The following IL23R variants were observed in gnomAD, a reference collection of about 807,000 sequenced individuals.
The protein encoded by IL23R is interleukin 23 receptor, also known as interleukin-23 receptor.
IL23R carries 34 observed loss-of-function variants against 56.9 expected under a neutral mutation model. The ratio of observed to expected loss-of-function variants is 0.60; its 90% CI spans 0.45 to 0.80. IL23R has a LOEUF of 0.80. Ranked by LOEUF, IL23R falls within the 30% of genes least tolerant of loss-of-function variation. The pLI is 0.00. For missense variants in IL23R, 635 were observed against 730.0 expected, an observed-to-expected ratio of 0.87 and a Z score of 1.50; for synonymous variants, 230 against 249.2, an observed-to-expected ratio of 0.92 and a Z score of 0.73.
chr1:67,208,688 G>A (rs1558244518), intron 6 of IL23R, among the ~76,000 whole-genome samples: 1 of 152,216 alleles, frequency 6.6e-6, no homozygotes, highest in East Asian at 1.9e-4. Flanking sequence ...CCAGGTGAAA[G>A]TTTGCTGCAG....
At chr1:67,234,001 A>G (rs1033107508) in intron 7 of IL23R, among the ~76,000 whole-genome samples, 2 of 149,436 alleles carry the variant, frequency 1.3e-5, no homozygotes, top group Non-Finnish European at 3.0e-5. Context: ...ATGCTTTTGT[A>G]TGTTAAAATA....
chr1:67,263,893 A>G (rs1653278418), downstream of IL23R, among the ~76,000 whole-genome samples: 1 of 151,600 alleles, frequency 6.6e-6, no homozygotes, highest in Non-Finnish European at 1.5e-5. Flanking sequence ...CTGTTGTAGA[A>G]TCCTTAAATG....
chr1:67,202,800 CTG>C (rs1648733895), intron 5 of IL23R, among the ~76,000 whole-genome samples: 1 of 152,120 alleles, frequency 6.6e-6, no homozygotes, highest in Non-Finnish European at 1.5e-5. Context: ...GTCTCGAACT[CTG>C]TGGCTCAAGC....
At chr1:67,167,395 A>G (rs1198357235) in intron 1 of IL23R, among the ~76,000 whole-genome samples, 1 of 152,236 alleles carries the variant, frequency 6.6e-6, no homozygotes, top group Non-Finnish European at 1.5e-5. Context: ...TTAGAGTCTC[A>G]CTGGTGAGAG....
chr1:67,241,304 C>G (rs1651837826), intron 9 of IL23R, among the ~76,000 whole-genome samples: 1 of 152,140 alleles, frequency 6.6e-6, no homozygotes, highest in South Asian at 2.1e-4. Context: ...CCTCCTTATG[C>G]TGGAACATCC....
At chr1:67,237,675 G>A (rs1200910936) in intron 8 of IL23R, among the ~76,000 whole-genome samples, 2 of 152,126 alleles carry the variant, frequency 1.3e-5, no homozygotes, top group Admixed American at 6.5e-5. Context: ...TTGCCTAAAC[G>A]TTTTAGGCGT....
intron 3 of IL23R, among the ~76,000 whole-genome samples, chr1:67,174,247 G>A (rs1350885409): frequency 6.6e-6 from 1 of 151,184 alleles, no homozygotes; most frequent in African/African-American, 2.5e-5. Flanking sequence ...CTCCATAAAG[G>A]CTGTACCAAT....
At chr1:67,168,407 C>G (rs563029049) in intron 2 of IL23R, among the ~76,000 whole-genome samples, 1 of 152,302 alleles carries the variant, frequency 6.6e-6, no homozygotes, top group African/African-American at 2.4e-5. Flanking sequence ...CTAGACAGCC[C>G]TCTTACTCAC....
At position 67,258,931 on chromosome 1, in the gene IL23R, A is replaced by T; in HGVS notation, c.1693A>T (p.Asn565Tyr). 1 of 1,614,088 alleles carries T rather than the reference A, an allele frequency of 6.2e-7. No homozygotes were observed. The highest frequency in any genetic ancestry group is 8.5e-7 in the Non-Finnish European group (1 of 1,180,002). ...QGECSSPDIQ[N>Y]SVEEETTMLL... ...AGAATGCAGTTCTCCTGACATACAA[A>T]ACTCAGTAGAGGAGGAAACCACCAT... The change falls in exon 11 of 11, where the codon AAC (asparagine) becomes TAC (tyrosine). Residue 565 changes from asparagine to tyrosine, a missense_variant. Coordinates refer to ENST00000347310, the MANE Select transcript of IL23R (RefSeq NM_144701.3).
chr1:67,250,995 C>T lies in IL23R; in HGVS notation c.1149-4842C>T, dbSNP rs553048334. On this transcript the variant is annotated intron_variant, in intron 9 of 10. Coordinates refer to ENST00000347310, the MANE Select transcript of IL23R (RefSeq NM_144701.3). The stretch of plus-strand genomic sequence containing the variant: ...CAGAGGGTTTTTTCCAAAACAGGAT[C>T]AGTGGCACCTTCTTTATTTTTCCCA... 3.9e-5 allele frequency among the ~76,000 whole-genome samples: 6 copies of T among 152,292 alleles called. No homozygotes were observed. In the South Asian group the frequency reaches 1.2e-3, roughly 32 times the overall value.
chr1:67,206,905 T>TTTTTTTG lies in IL23R; in HGVS notation c.653-5_653-4insTTTTTTG. 6.5e-7 allele frequency: 1 copy of TTTTTTTG among 1,528,992 alleles called. No homozygotes were observed. The highest frequency in any genetic ancestry group is 8.7e-7 in the Non-Finnish European group (1 of 1,143,202). 94.7% of individuals were successfully genotyped at this position (1,528,992 alleles called of 1,614,324 possible). On this transcript the variant is annotated splice_region_variant and splice_polypyrimidine_tract_variant and intron_variant, in intron 5 of 10. Transcript: ENST00000347310. ...AGGTCTTTTTTTTTTTTTTTTTTTT[T>TTTTTTTG]CTAGTGATACCTTCTGCAGCCGTCA...
chr1:67,168,414 T>A (rs1038287087), intron 2 of IL23R, among the ~76,000 whole-genome samples: 9 of 152,212 alleles, frequency 5.9e-5, no homozygotes, highest in Admixed American at 3.9e-4. Context: ...GCCCTCTTAC[T>A]CACATGTGGA....
chr1:67,218,905 G>T (rs1385665357), intron 6 of IL23R, among the ~76,000 whole-genome samples: 2 of 150,094 alleles, frequency 1.3e-5, no homozygotes, highest in Non-Finnish European at 3.0e-5. Context: ...GTCCAGCCTG[G>T]GCAACAGAGT....
intron 1 of IL23R, among the ~76,000 whole-genome samples, chr1:67,147,543 T>C (rs914739224): frequency 6.6e-6 from 1 of 151,932 alleles, no homozygotes; most frequent in African/African-American, 2.4e-5. Context: ...TATCAAAAAC[T>C]ACAAAAATTA....
downstream of IL23R, among the ~76,000 whole-genome samples, chr1:67,260,625 G>T: frequency 6.6e-6 from 1 of 152,244 alleles, no homozygotes; most frequent in South Asian, 2.1e-4. Flanking sequence ...ATGGAAAAGT[G>T]GTTGATCTTT....
intron 1 of IL23R, among the ~76,000 whole-genome samples, chr1:67,142,639 C>T (rs1182613288): frequency 6.6e-6 from 1 of 152,124 alleles, no homozygotes; most frequent in Non-Finnish European, 1.5e-5. Flanking sequence ...GATCTCGGCT[C>T]ACTGCAACCT....
chr1:67,245,860 G>C (rs113909827), intron 9 of IL23R, among the ~76,000 whole-genome samples: 1 of 151,970 alleles, frequency 6.6e-6, no homozygotes, highest in Non-Finnish European at 1.5e-5. Flanking sequence ...TTTTTCTACT[G>C]TTTGGAACAG....
chr1:67,182,976 C>T lies in IL23R; in HGVS notation c.491+17C>T, dbSNP rs75363634. The T allele has an allele frequency of 4.3e-3, 6,987 of 1,613,442 alleles. 147 individuals carry two copies. The highest frequency in any genetic ancestry group is 0.043 in the Admixed American group (2,586 of 60,000). ...TGTGAAGAGGTAGGTCACTTCCTCA[C>T]GGCTTCATATAAGCAGTTCCACCCC... On this transcript the variant is annotated intron_variant, in intron 4 of 10. Coordinates refer to ENST00000347310, the MANE Select transcript of IL23R (RefSeq NM_144701.3).
chr1:67,182,102 C>T (rs1338991722), intron 3 of IL23R, among the ~76,000 whole-genome samples: 1 of 152,226 alleles, frequency 6.6e-6, no homozygotes, highest in African/African-American at 2.4e-5. Context: ...AGGAGGCAGT[C>T]TGTCCATTCT....
Sources: allele counts gnomAD v4.1 joint callset (sites outside exome capture counted in the v4.1 genomes callset), GRCh38; gene constraint gnomAD v4.1.1; transcripts MANE v1.5; gene names NCBI Gene and HGNC (gene_info 2026-07-23, HGNC 2026-07-21).